CATSPERT: variants seen among roughly 807,000 people sequenced by gnomAD.
CATSPERT encodes cation channel sperm-associated targeting subunit tau.
the CATSPERT span, among the ~76,000 whole-genome samples, chr2:201,612,343 G>A: frequency 6.6e-6 from 1 of 152,090 alleles, no homozygotes; most frequent in Admixed American, 6.5e-5. Context: ...GGGAGGCCAG[G>A]TGGGTGGATC....
the CATSPERT span, among the ~76,000 whole-genome samples, chr2:201,566,206 CT>C: frequency 0.059 from 8,564 of 146,022 alleles, 286 homozygotes; most frequent in African/African-American, 0.083. Flanking sequence ...TTTTAAATTT[CT>C]TTTTTTTTTT....
At chr2:201,489,856 CT>C in the CATSPERT span, among the ~76,000 whole-genome samples, 13 of 141,636 alleles carry the variant, frequency 9.2e-5, no homozygotes, top group African/African-American at 3.2e-4. Context: ...ATTTACTTTC[CT>C]AATTTTTTTT....
the CATSPERT span, among the ~76,000 whole-genome samples, chr2:201,591,526 T>G: frequency 8.4e-3 from 1,275 of 152,188 alleles, 55 homozygotes; most frequent in Admixed American, 0.077. Flanking sequence ...GTGAAGAAAG[T>G]CATTGGTAGC....
At chr2:201,614,437 G>C in the CATSPERT span, among the ~76,000 whole-genome samples, 7 of 152,186 alleles carry the variant, frequency 4.6e-5, no homozygotes, top group Admixed American at 3.3e-4. Flanking sequence ...TTTCAACCCA[G>C]AATTTCATAT....
the CATSPERT span, among the ~76,000 whole-genome samples, chr2:201,613,790 T>A: frequency 6.6e-6 from 1 of 152,142 alleles, no homozygotes; most frequent in Non-Finnish European, 1.5e-5. Context: ...GAACCCATTG[T>A]AAAGAAGCTA....
At chr2:201,574,182 A>T in the CATSPERT span, 1 of 1,533,508 alleles carries the variant, frequency 6.5e-7, no homozygotes, top group Non-Finnish European at 8.9e-7. Flanking sequence ...TTACAACAGA[A>T]TAATCTTTTA....
the CATSPERT span, among the ~76,000 whole-genome samples, chr2:201,567,294 TA>T: frequency 3.9e-5 from 6 of 152,342 alleles, no homozygotes; most frequent in South Asian, 2.1e-4. Flanking sequence ...GAGATATAGC[TA>T]AACATTCTAA....
At chr2:201,537,184 T>G in the CATSPERT span, among the ~76,000 whole-genome samples, 1 of 151,934 alleles carries the variant, frequency 6.6e-6, no homozygotes, top group Non-Finnish European at 1.5e-5. Flanking sequence ...ACTTCATGCT[T>G]TTTTCTTGTT....
chr2:201,525,383 A>C, the CATSPERT span, among the ~76,000 whole-genome samples: 1 of 152,204 alleles, frequency 6.6e-6, no homozygotes, highest in African/African-American at 2.4e-5. Context: ...AAATTAAGGC[A>C]GAAATCAAGA....
chr2:201,552,159 A>AT, the CATSPERT span, among the ~76,000 whole-genome samples: 1 of 151,124 alleles, frequency 6.6e-6, no homozygotes, highest in Admixed American at 6.6e-5. Flanking sequence ...TAAGTTTTGT[A>AT]TTTTTTGTGA....
chr2:201,581,474 C>A, the CATSPERT span, among the ~76,000 whole-genome samples: 2 of 25,436 alleles, frequency 7.9e-5, no homozygotes, highest in Non-Finnish European at 1.4e-4. Context: ...ACACACATTC[C>A]GGAATATATA....
At chr2:201,494,811 A>G in the CATSPERT span, 62 of 1,432,998 alleles carry the variant, frequency 4.3e-5, no homozygotes, top group Non-Finnish European at 3.9e-5. Context: ...TTTTGAATTT[A>G]TCATATATTT....
the CATSPERT span, among the ~76,000 whole-genome samples, chr2:201,586,583 G>A: frequency 6.6e-5 from 10 of 151,958 alleles, no homozygotes; most frequent in South Asian, 2.1e-3. Context: ...GTTTACAAAA[G>A]ATACAGATAA....
At chr2:201,564,679 G>C in the CATSPERT span, among the ~76,000 whole-genome samples, 4 of 152,080 alleles carry the variant, frequency 2.6e-5, no homozygotes, top group African/African-American at 9.7e-5. Context: ...TGAGAGAGAT[G>C]ATCTCCCTCC....
the CATSPERT span, among the ~76,000 whole-genome samples, chr2:201,522,692 G>A: frequency 1.3e-5 from 2 of 152,202 alleles, no homozygotes; most frequent in Non-Finnish European, 2.9e-5. Context: ...TGGAGAGTTG[G>A]CAGGGACAGG....
At chr2:201,601,635 C>G in the CATSPERT span, 1 of 1,107,162 alleles carries the variant, frequency 9.0e-7, no homozygotes, top group Non-Finnish European at 1.3e-6. Context: ...GCACTTACTG[C>G]TTTTGTTTCT....
chr2:201,538,902 A>G, the CATSPERT span, among the ~76,000 whole-genome samples: 1 of 152,136 alleles, frequency 6.6e-6, no homozygotes, highest in Non-Finnish European at 1.5e-5. Flanking sequence ...CCCACTTATA[A>G]GTAAGAACAT....
At chr2:201,607,514 C>T in the CATSPERT span, among the ~76,000 whole-genome samples, 1 of 152,062 alleles carries the variant, frequency 6.6e-6, no homozygotes, top group Non-Finnish European at 1.5e-5. Flanking sequence ...AGTAAATTAG[C>T]CTGGTGTGAT....
At chr2:201,594,108 A>G in the CATSPERT span, among the ~76,000 whole-genome samples, 3 of 152,126 alleles carry the variant, frequency 2.0e-5, no homozygotes, top group African/African-American at 7.2e-5. Flanking sequence ...ATTTTGCAGC[A>G]GCTGGTACTG....
Sources: gnomAD v4.1 joint callset for allele counts (sites outside exome capture counted in the v4.1 genomes callset) on GRCh38, gnomAD v4.1.1 for gene constraint, MANE v1.5 for transcripts, NCBI Gene and HGNC (gene_info 2026-07-23, HGNC 2026-07-21) for gene names.